The following ENPP2 variants were observed in gnomAD, a reference collection of about 807,000 sequenced individuals.
ENPP2 encodes the protein ectonucleotide pyrophosphatase/phosphodiesterase 2.
Under a neutral mutation model 120.2 loss-of-function variants are expected in ENPP2, and 51 were observed. That is an observed-to-expected ratio of 0.42 (90% CI 0.34 to 0.54). The LOEUF (loss-of-function observed/expected upper bound fraction) is 0.54. Among genes scored for constraint, ENPP2 ranks in the 20% least tolerant of loss-of-function variants. ENPP2 has a pLI of 0.04. For missense variants in ENPP2, 920 were observed against 1,066.5 expected (o/e 0.86, Z 1.91); for synonymous variants, 365 against 366.4 (o/e 1.00, Z 0.04).
chr8:119,645,558 C>T (rs2130861175), intron 1 of ENPP2, among the ~76,000 whole-genome samples: 1 of 152,278 alleles, frequency 6.6e-6, no homozygotes, highest in South Asian at 2.1e-4. Context: ...GGCACGGTGG[C>T]TCACGCCTGT....
chr8:119,571,979 C>T (rs1286977910), intron 19 of ENPP2: 1 of 523,712 alleles, frequency 1.9e-6, no homozygotes, highest in African/African-American at 1.9e-5. Flanking sequence ...GGTAGTTCGG[C>T]TGCTCCAGCA....
chr8:119,562,009 C>T (rs1194918734), intron 24 of ENPP2, among the ~76,000 whole-genome samples: 3 of 151,944 alleles, frequency 2.0e-5, no homozygotes, highest in African/African-American at 4.8e-5. Flanking sequence ...TGGTGGTGGG[C>T]GCCTATAGTC....
In ENPP2 at chr8:119,654,110, AC is replaced by A. The variant is rs1459295458; in HGVS notation, c.22-15584del. On this transcript the variant is annotated intron_variant, in intron 1 of 25. Transcript: ENST00000427067. ...TGTGTTATATATCTATATAACATGT[AC>A]AGAGATATATAATATTATATACAGA... Among the ~76,000 whole-genome samples, 4 of 144,094 alleles carry A rather than the reference AC, an allele frequency of 2.8e-5. No individual in the cohort carries two copies. In the East Asian group the frequency reaches 7.9e-4, roughly 28 times the overall value. The allele number at this position is 144,094 out of a possible 152,430, so 94.5% of individuals were successfully genotyped here.
chr8:119,588,528 CAAAAAAAAAAAA>C (rs58771451), intron 13 of ENPP2, among the ~76,000 whole-genome samples: 1 of 68,198 alleles, frequency 1.5e-5, no homozygotes, highest in Non-Finnish European at 2.7e-5. Flanking sequence ...AACTCCGCCT[CAAAAAAAAAAAA>C]AAAAAAAAAA....
chr8:119,649,581 AAG>A (rs1286863911), intron 1 of ENPP2, among the ~76,000 whole-genome samples: 1 of 152,208 alleles, frequency 6.6e-6, no homozygotes, highest in African/African-American at 2.4e-5. Context: ...TCATGATCGG[AAG>A]ACATTATTGT....
At chr8:119,655,741 G>A (rs917900321) in intron 1 of ENPP2, among the ~76,000 whole-genome samples, 2 of 151,986 alleles carry the variant, frequency 1.3e-5, no homozygotes, top group African/African-American at 4.8e-5. Context: ...TTTTGCAGGG[G>A]CTCACAAAAG....
At chr8:119,610,904 A>T (rs1587474320) in intron 8 of ENPP2, among the ~76,000 whole-genome samples, 2 of 112,820 alleles carry the variant, frequency 1.8e-5, no homozygotes, top group Admixed American at 1.9e-4. Flanking sequence ...TTCTGTCTTT[A>T]AAAAAAAAAA....
Position 119,652,107 on chromosome 8 carries a change from C to A in ENPP2, c.22-13580G>T, listed in dbSNP as rs151169749. Among the ~76,000 whole-genome samples, 286 of 152,190 alleles carry A rather than the reference C, an allele frequency of 1.9e-3. 1 individual carries two copies. Among genetic ancestry groups the A allele is most frequent in the Non-Finnish European group, 3.5e-3 (235 of 68,006 alleles). On this transcript the variant is annotated intron_variant, in intron 1 of 25. Coordinates refer to the ENPP2 transcript ENST00000427067. ...ATAGTTCTGGAGGCTGGGAGGTTTA[C>A]GATCAAGGCACCAGCAGATTCTGTG...
chr8:119,562,336 G>A (rs898557255), intron 24 of ENPP2, among the ~76,000 whole-genome samples: 12 of 152,038 alleles, frequency 7.9e-5, no homozygotes, highest in African/African-American at 1.9e-4. Flanking sequence ...CCAGCTACTC[G>A]GGAGGCTGAG....
At chr8:119,620,923 G>A (rs1563742367) in intron 4 of ENPP2, among the ~76,000 whole-genome samples, 1 of 152,138 alleles carries the variant, frequency 6.6e-6, no homozygotes, top group African/African-American at 2.4e-5. Context: ...TGCCTCAAGA[G>A]TAGTGACCTG....
chr8:119,600,032 G>A (rs1252684849), intron 11 of ENPP2, among the ~76,000 whole-genome samples: 3 of 148,932 alleles, frequency 2.0e-5, no homozygotes, highest in Non-Finnish European at 3.0e-5. Context: ...AAAAAAGTCA[G>A]CCTGCTCTGC....
At chr8:119,631,204 C>CTTTT (rs60092023) in intron 2 of ENPP2, among the ~76,000 whole-genome samples, 27 of 61,778 alleles carry the variant, frequency 4.4e-4, no homozygotes, top group East Asian at 9.2e-4. Context: ...ATGCTGCTAT[C>CTTTT]TTTTTTTTTT....
At chr8:119,581,495 T>G (rs1180492755) in intron 18 of ENPP2, among the ~76,000 whole-genome samples, 1 of 151,924 alleles carries the variant, frequency 6.6e-6, no homozygotes, top group Non-Finnish European at 1.5e-5. Context: ...ACGGTAGCAC[T>G]CTCCTATCTG....
At position 119,638,537 on chromosome 8, in the gene ENPP2, TA is replaced by T; in HGVS notation, c.34-11del. On this transcript the variant is annotated splice_polypyrimidine_tract_variant and intron_variant, in intron 1 of 24. Transcript: ENST00000075322. ...TGAACAGGGATATTATCTAAGAGAA[TA>T]AAGAGACCAAGTTGTCAAATACAGC... is the stretch of plus-strand genomic sequence containing the variant. The T allele has an allele frequency of 6.7e-7, 1 of 1,493,090 alleles. No individual in the cohort carries two copies. The allele number at this position is 1,493,090 out of a possible 1,614,324, so 92.5% of individuals were successfully genotyped here.
intron 9 of ENPP2, among the ~76,000 whole-genome samples, chr8:119,607,006 T>C (rs1193240363): frequency 6.6e-6 from 1 of 152,144 alleles, no homozygotes; most frequent in African/African-American, 2.4e-5. Flanking sequence ...CTTATGAACA[T>C]TAACTGCTTA....
chr8:119,609,438 G>T (rs1056432236), intron 8 of ENPP2, among the ~76,000 whole-genome samples: 1 of 152,132 alleles, frequency 6.6e-6, no homozygotes, highest in Non-Finnish European at 1.5e-5. Flanking sequence ...CAGACTTTTG[G>T]TTCCCTGGGA....
In ENPP2 at chr8:119,580,173, T is replaced by G; in HGVS notation, c.1729-6A>C. 1 of 1,611,276 alleles carries G rather than the reference T, an allele frequency of 6.2e-7. No homozygotes were observed. Among genetic ancestry groups the G allele is most frequent in the Non-Finnish European group, 8.5e-7 (1 of 1,177,360 alleles). ...TTGAGTTCATCCAACTTGTTCTTCATGTGTGAAAACCAGTAAAGGAAAAAA... is the reference window on the plus strand; with the variant it reads ...TTGAGTTCATCCAACTTGTTCTTCAGGTGTGAAAACCAGTAAAGGAAAAAA... On this transcript the variant is annotated splice_region_variant and splice_polypyrimidine_tract_variant and intron_variant, in intron 18 of 24. Transcript: ENST00000075322.
At chr8:119,582,894 G>A (rs1280914905) in intron 17 of ENPP2, among the ~76,000 whole-genome samples, 4 of 152,166 alleles carry the variant, frequency 2.6e-5, no homozygotes, top group Non-Finnish European at 1.5e-5. Flanking sequence ...ATTAACTATT[G>A]CCTGTATCTG....
chr8:119,565,639 T>G (rs1814353755), intron 22 of ENPP2, among the ~76,000 whole-genome samples: 1 of 152,334 alleles, frequency 6.6e-6, no homozygotes, highest in South Asian at 2.1e-4. Context: ...TTCCTGTCAG[T>G]GCTATCACCA....
Sources: allele counts gnomAD v4.1 joint callset (sites outside exome capture counted in the v4.1 genomes callset), GRCh38; gene constraint gnomAD v4.1.1; transcripts MANE v1.5; gene names NCBI Gene and HGNC (gene_info 2026-07-23, HGNC 2026-07-21).